The following MYO1E variants were observed in gnomAD, a reference collection of about 807,000 sequenced individuals.
MYO1E encodes unconventional myosin-Ie.
In MYO1E, 68 loss-of-function variants were observed where a neutral mutation model predicts 151.1. That is an observed-to-expected ratio of 0.45 (90% CI 0.37 to 0.55). MYO1E has a LOEUF of 0.55. MYO1E is among the 20% of genes least tolerant of loss of function. The pLI, the probability that MYO1E is intolerant of heterozygous loss-of-function variation, is 0.00. For missense variants in MYO1E, 1,363 were observed against 1,389.3 expected, an observed-to-expected ratio of 0.98 and a Z score of 0.30; for synonymous variants, 601 against 501.7, an observed-to-expected ratio of 1.20 and a Z score of -2.64.
chr15:59,349,290 A>T (rs573656906), intron 1 of MYO1E, among the ~76,000 whole-genome samples: 2 of 152,262 alleles, frequency 1.3e-5, no homozygotes, highest in South Asian at 4.1e-4. Context: ...TTGCAATTAT[A>T]ATTTTCTAAT....
At chr15:59,274,028 A>C (rs2080303961) in intron 1 of MYO1E, among the ~76,000 whole-genome samples, 1 of 151,712 alleles carries the variant, frequency 6.6e-6, no homozygotes, top group African/African-American at 2.4e-5. Flanking sequence ...GCCATTCCAA[A>C]TTTTATTTTA....
intron 4 of MYO1E, among the ~76,000 whole-genome samples, chr15:59,248,786 C>A (rs1293542402): frequency 1.3e-5 from 2 of 152,196 alleles, no homozygotes; most frequent in African/African-American, 4.8e-5. Flanking sequence ...CATGTGTTCA[C>A]ATCTTCAGAT....
At chr15:59,241,209 G>A (rs1467153635) in intron 4 of MYO1E, among the ~76,000 whole-genome samples, 20 of 152,136 alleles carry the variant, frequency 1.3e-4, no homozygotes, top group Admixed American at 1.1e-3. Flanking sequence ...TACACATGAA[G>A]GGAACCATGG....
rs1401698770 is a variant in MYO1E at position 59,153,677 on chromosome 15, G to A, written c.2993C>T (p.Pro998Leu). ...GTCTGAACTGGTAGACTGCTGCCGA[G>A]GCAAGGGCGGGCGGGCCATGGAGGT... ...LYTSMARPPL[P>L]RQQSTSSDRV... Residue 998 changes from proline (P) to leucine (L), a missense_variant, in exon 26 of 28, where the codon CCT becomes CTT. Pro to Leu is a moderately conservative substitution (Grantham distance 98, BLOSUM62 -3). Transcript: ENST00000288235. 13 of 1,614,066 alleles carry A rather than the reference G, an allele frequency of 8.1e-6. No individual in the cohort carries two copies. The highest frequency in any genetic ancestry group is 1.1e-5 in the South Asian group (1 of 91,088).
At position 59,205,509 on chromosome 15, in the gene MYO1E, G is replaced by A. The variant is rs3834953; in HGVS notation, c.1531-24C>T. ...ACCTGGCCAAGAATGGAAAGAAATC[G>A]AATTTCATTGAACAAAATGTAATTA... On this transcript the variant is annotated intron_variant, in intron 14 of 27. Coordinates refer to ENST00000288235, the MANE Select transcript of MYO1E (RefSeq NM_004998.4). 90 of 1,531,094 alleles carry A rather than the reference G, an allele frequency of 5.9e-5. No homozygotes were observed. The African/African-American group carries it at 1.0e-3, about 17-fold the overall frequency. The allele number at this position is 1,531,094 out of a possible 1,614,324, so 94.8% of individuals were successfully genotyped here. A position where few individuals can be genotyped will look rare whatever the true frequency, so the allele number is the denominator to read the frequency against.
At chr15:59,317,895 A>T (rs2080599346) in intron 1 of MYO1E, among the ~76,000 whole-genome samples, 2 of 152,184 alleles carry the variant, frequency 1.3e-5, no homozygotes, top group Admixed American at 1.3e-4. Flanking sequence ...AGGCAGGCAC[A>T]ATTATTGTCA....
chr15:59,365,071 G>C (rs952917125), intron 1 of MYO1E, among the ~76,000 whole-genome samples: 25 of 151,404 alleles, frequency 1.7e-4, no homozygotes, highest in Admixed American at 4.6e-4. Flanking sequence ...CCAGGCTGTA[G>C]TGCAATGGTG....
chr15:59,277,262 C>G (rs1157355191), intron 1 of MYO1E, among the ~76,000 whole-genome samples: 1 of 152,074 alleles, frequency 6.6e-6, no homozygotes, highest in East Asian at 1.9e-4. Flanking sequence ...AAATCAAAGT[C>G]TGGGCCAGGC....
At chr15:59,234,211 CTGAT>C (rs1191501691) in intron 5 of MYO1E, among the ~76,000 whole-genome samples, 4 of 116,218 alleles carry the variant, frequency 3.4e-5, no homozygotes, top group East Asian at 2.2e-4. Context: ...TCACTGATCA[CTGAT>C]GGATGGATGG....
intron 1 of MYO1E, among the ~76,000 whole-genome samples, chr15:59,310,845 T>C (rs1362919262): frequency 6.6e-6 from 1 of 151,962 alleles, no homozygotes; most frequent in East Asian, 1.9e-4. Flanking sequence ...AAGAAGCTAG[T>C]GGTCTCAGAA....
intron 14 of MYO1E, chr15:59,208,297 C>G: frequency 1.7e-6 from 1 of 578,024 alleles, no homozygotes; most frequent in Non-Finnish European, 3.0e-6. Context: ...TTTGGTACCT[C>G]TGATGTAGCA....
intron 6 of MYO1E, among the ~76,000 whole-genome samples, chr15:59,230,253 T>TGTGTGC (rs1366813534): frequency 2.0e-5 from 3 of 151,086 alleles, no homozygotes; most frequent in Non-Finnish European, 4.4e-5. Context: ...TGTGTGTGTG[T>TGTGTGC]GCAGGTGAAT....
At chr15:59,208,392 A>G in intron 14 of MYO1E, 1 of 556,742 alleles carries the variant, frequency 1.8e-6, no homozygotes, top group South Asian at 2.3e-5. Context: ...AGAAATTCCG[A>G]CTCTTTTCAT....
At chr15:59,267,508 A>G (rs574776294) in intron 2 of MYO1E, among the ~76,000 whole-genome samples, 2 of 152,332 alleles carry the variant, frequency 1.3e-5, no homozygotes, top group Admixed American at 6.5e-5. Flanking sequence ...CTTGCTATAT[A>G]GCATGCTGCC....
intron 4 of MYO1E, among the ~76,000 whole-genome samples, chr15:59,238,147 T>C (rs1273740696): frequency 1.3e-5 from 2 of 152,186 alleles, no homozygotes; most frequent in African/African-American, 2.4e-5. Context: ...GAGGACATGC[T>C]TACTCACAGG....
chr15:59,289,687 G>C (rs1349463722), intron 1 of MYO1E, among the ~76,000 whole-genome samples: 1 of 152,208 alleles, frequency 6.6e-6, no homozygotes, highest in African/African-American at 2.4e-5. Context: ...GCAGAAATTA[G>C]AAAGCTGTCA....
intron 1 of MYO1E, among the ~76,000 whole-genome samples, chr15:59,342,156 GTTTGCCA>G (rs763281081): frequency 1.2e-4 from 18 of 152,158 alleles, no homozygotes; most frequent in Non-Finnish European, 2.4e-4. Flanking sequence ...TCATACACCT[GTTTGCCA>G]TTTGTATGTC....
intron 4 of MYO1E, among the ~76,000 whole-genome samples, chr15:59,248,198 T>C (rs2080142135): frequency 6.9e-6 from 1 of 144,576 alleles, no homozygotes; most frequent in Non-Finnish European, 1.5e-5. Context: ...AATTAGCATC[T>C]ATAGGCCGGG....
intron 2 of MYO1E, among the ~76,000 whole-genome samples, chr15:59,266,491 C>CA (rs1271355795): frequency 2.0e-5 from 3 of 151,734 alleles, no homozygotes; most frequent in African/African-American, 4.8e-5. Flanking sequence ...GCAAGAATGA[C>CA]AAAAAAACAA....
Sources: allele counts gnomAD v4.1 joint callset (sites outside exome capture counted in the v4.1 genomes callset), GRCh38; gene constraint gnomAD v4.1.1; transcripts MANE v1.5; gene names NCBI Gene and HGNC (gene_info 2026-07-23, HGNC 2026-07-21).